DGKB: variants seen among roughly 807,000 people sequenced by gnomAD.
DGKB encodes the protein diacylglycerol kinase beta.
DGKB carries 67 observed loss-of-function variants against 114.3 expected under a neutral mutation model. That is an observed-to-expected ratio of 0.59 (90% CI 0.48 to 0.72). The LOEUF is 0.72. Ranked by LOEUF, DGKB falls within the 30% of genes least tolerant of loss-of-function variation. DGKB has a pLI of 0.00. For synonymous variants in DGKB, 398 were observed against 323.1 expected, an observed-to-expected ratio of 1.23 and a Z score of -2.49; for missense variants, 907 against 975.2, an observed-to-expected ratio of 0.93 and a Z score of 0.93.
rs1414444094 is a variant in DGKB, at chr7:14,685,336, C to T, written c.738G>A (p.Val246=). ...ENNVKDDGQH[V]WRLKHFNKPA... The stretch of plus-strand genomic sequence containing the variant: ...GTTTGTTAAAGTGCTTCAGTCGCCA[C>T]ACGTGCTGTCCATCATCCTTCACGT... Residue 246 remains valine, a synonymous_variant, in exon 10 of 26, where the codon GTG becomes GTA. Transcript: ENST00000402815. 1.2e-6 allele frequency: 2 copies of T among 1,613,648 alleles called. No homozygotes were observed. Among genetic ancestry groups the T allele is most frequent in the East Asian group, 2.2e-5 (1 of 44,876 alleles).
intron 23 of DGKB, among the ~76,000 whole-genome samples, chr7:14,294,560 C>A (rs758015454): frequency 1.3e-5 from 2 of 152,122 alleles, no homozygotes; most frequent in African/African-American, 4.8e-5. Flanking sequence ...GAGAAACATT[C>A]GGAGGAAGTG....
chr7:14,373,470 G>C (rs767888199), intron 21 of DGKB, among the ~76,000 whole-genome samples: 3 of 152,010 alleles, frequency 2.0e-5, no homozygotes, highest in African/African-American at 4.8e-5. Context: ...CATTTATTCC[G>C]TACAGTGAGT....
chr7:14,604,603 G>A (rs1417550720), intron 17 of DGKB, among the ~76,000 whole-genome samples: 2 of 152,132 alleles, frequency 1.3e-5, no homozygotes, highest in Non-Finnish European at 2.9e-5. Context: ...AAACTAAAAT[G>A]TATAAATCAC....
intron 20 of DGKB, among the ~76,000 whole-genome samples, chr7:14,500,239 T>C (rs937923967): frequency 1.3e-5 from 2 of 151,880 alleles, no homozygotes; most frequent in African/African-American, 2.4e-5. Flanking sequence ...GCCCTTTAAC[T>C]GTATTGATCC....
chr7:14,198,462 C>A (rs1353191921), intron 23 of DGKB, among the ~76,000 whole-genome samples: 1 of 151,906 alleles, frequency 6.6e-6, no homozygotes, highest in African/African-American at 2.4e-5. Flanking sequence ...TAAATCAGTC[C>A]CCCAAACCCC....
intron 1 of DGKB, among the ~76,000 whole-genome samples, chr7:14,897,285 T>C (rs115817525): frequency 0.015 from 2,227 of 152,040 alleles, 48 homozygotes; most frequent in African/African-American, 0.051. Context: ...AGAATTTTAA[T>C]TATCACATAA....
In DGKB at chr7:14,145,465, C is replaced by CT. The variant is rs67141279; in HGVS notation, c.*3665dup. 112,011 of 146,696 alleles carry CT rather than the reference C, an allele frequency of 0.76. 43,558 individuals are homozygous for CT. The highest frequency in any genetic ancestry group is 0.95 in the East Asian group (4,698 of 4,948). The allele number at this position is 146,696 out of a possible 1,614,324, so 9.1% of individuals were successfully genotyped here. Reference sequence around the variant, plus strand: ...TACGTGCCATGAAAAGTACATTTTCCTTTTTTTTTTTGAGACAGAGTCTGG... The same window carrying CT: ...TACGTGCCATGAAAAGTACATTTTCCTTTTTTTTTTTTGAGACAGAGTCTGG... On this transcript the variant is annotated 3_prime_UTR_variant, in exon 26 of 26. Coordinates refer to ENST00000402815, the MANE Select transcript of DGKB (RefSeq NM_001350709.2).
chr7:14,592,806 T>C (rs1801922743), intron 17 of DGKB, among the ~76,000 whole-genome samples: 1 of 151,912 alleles, frequency 6.6e-6, no homozygotes, highest in Non-Finnish European at 1.5e-5. Flanking sequence ...AATGTGACTC[T>C]CTCAACATTT....
rs199706540 is a variant in DGKB, at chr7:14,563,388, CA to C, written c.1770+10823del. On this transcript the variant is annotated intron_variant, in intron 20 of 25. Coordinates refer to ENST00000402815, the MANE Select transcript of DGKB (RefSeq NM_001350709.2). ...ATATTTGGTTTTCCCTGTTTCTTGA[CA>C]AAAAACTTCTAAAATTCTTGAAATC... is the stretch of plus-strand genomic sequence containing the variant. 5.5e-3 allele frequency among the ~76,000 whole-genome samples: 830 copies of C among 152,126 alleles called. 6 individuals carry two copies. Among genetic ancestry groups the C allele is most frequent in the African/African-American group, 0.019 (790 of 41,514 alleles).
intron 23 of DGKB, among the ~76,000 whole-genome samples, chr7:14,298,425 T>C (rs1802951226): frequency 1.3e-5 from 2 of 152,160 alleles, no homozygotes; most frequent in Admixed American, 1.3e-4. Flanking sequence ...ATCTGATGTT[T>C]GACAAACCTG....
intron 7 of DGKB, among the ~76,000 whole-genome samples, chr7:14,701,065 C>A (rs143749065): frequency 6.6e-6 from 1 of 151,844 alleles, no homozygotes; most frequent in Admixed American, 6.6e-5. Flanking sequence ...TACAAATAAA[C>A]GTTTAATTAT....
intron 1 of DGKB, among the ~76,000 whole-genome samples, chr7:14,852,835 C>A (rs998314959): frequency 2.0e-5 from 3 of 152,088 alleles, no homozygotes; most frequent in African/African-American, 7.2e-5. Flanking sequence ...TATTTTCCAT[C>A]CCCAGCTTAA....
At chr7:14,538,494 G>T (rs932475257) in intron 20 of DGKB, among the ~76,000 whole-genome samples, 49 of 152,144 alleles carry the variant, frequency 3.2e-4, no homozygotes, top group African/African-American at 1.2e-3. Flanking sequence ...ATAACTGTTG[G>T]TAAAGTTATG....
intron 23 of DGKB, among the ~76,000 whole-genome samples, chr7:14,295,627 T>C (rs536666038): frequency 3.3e-5 from 5 of 152,084 alleles, no homozygotes; most frequent in Non-Finnish European, 7.4e-5. Flanking sequence ...TATCTCAAAA[T>C]TTTGAGCATA....
At chr7:14,806,914 C>A (rs998169823) in intron 2 of DGKB, among the ~76,000 whole-genome samples, 1 of 151,904 alleles carries the variant, frequency 6.6e-6, no homozygotes, top group South Asian at 2.1e-4. Context: ...TGCTGAGATG[C>A]CAATTTCAGG....
chr7:14,695,545 G>T (rs1823706719), intron 8 of DGKB, among the ~76,000 whole-genome samples: 1 of 125,712 alleles, frequency 8.0e-6, no homozygotes, highest in African/African-American at 3.2e-5. Flanking sequence ...TGTCGCCCAG[G>T]CTGGAGTGCT....
chr7:14,506,050 G>A (rs936168858), intron 20 of DGKB, among the ~76,000 whole-genome samples: 8 of 152,042 alleles, frequency 5.3e-5, no homozygotes, highest in Non-Finnish European at 7.4e-5. Context: ...AGCTCACAAT[G>A]TGAACCACAA....
intron 25 of DGKB, among the ~76,000 whole-genome samples, chr7:14,162,425 T>G (rs561412473): frequency 6.6e-6 from 1 of 152,332 alleles, no homozygotes; most frequent in South Asian, 2.1e-4. Context: ...GTTTTATCAT[T>G]TTTATCATAT....
At position 14,875,239 on chromosome 7, in the gene DGKB, A is replaced by C. The variant is rs567339857; in HGVS notation, c.-188+27353T>G. Among the ~76,000 whole-genome samples, 21 of 152,258 alleles carry C rather than the reference A, an allele frequency of 1.4e-4. No homozygotes were observed. The South Asian group carries it at 3.1e-3, about 23-fold the overall frequency. ...GCTGTCTCTATAAACTACAAACAAA[A>C]TAAGTTTCATACCTCTATATTTATT... On this transcript the variant is annotated intron_variant, in intron 1 of 25. Transcript: ENST00000402815.
Sources: gnomAD v4.1 joint callset for allele counts (sites outside exome capture counted in the v4.1 genomes callset) on GRCh38, gnomAD v4.1.1 for gene constraint, MANE v1.5 for transcripts, NCBI Gene and HGNC (gene_info 2026-07-23, HGNC 2026-07-21) for gene names.